The following MYZAP variants were observed in gnomAD, a reference collection of about 807,000 sequenced individuals.
MYZAP encodes myocardial zonula adherens protein.
In MYZAP, 66 loss-of-function variants were observed where a neutral mutation model predicts 69.4. That is an observed-to-expected ratio of 0.95 (90% CI 0.78 to 1.17). The LOEUF (loss-of-function observed/expected upper bound fraction) is 1.17, where lower values mean the gene tolerates loss of function less well. Among genes scored for constraint, MYZAP ranks in the 50% most tolerant of loss-of-function variants. MYZAP has a pLI of 0.00. For missense variants in MYZAP, 611 were observed against 556.2 expected (o/e 1.10, Z -0.99); for synonymous variants, 256 against 205.9 (o/e 1.24, Z -2.09).
intron 3 of MYZAP, among the ~76,000 whole-genome samples, chr15:57,618,813 A>C (rs748458240): frequency 6.6e-6 from 1 of 152,014 alleles, no homozygotes; most frequent in Non-Finnish European, 1.5e-5. Context: ...TTTTCATTCC[A>C]TCCTGTGTTC....
intron 3 of MYZAP, among the ~76,000 whole-genome samples, chr15:57,618,592 A>G (rs903061836): frequency 4.6e-5 from 7 of 152,234 alleles, no homozygotes; most frequent in Admixed American, 1.3e-4. Context: ...GAAGTCAACC[A>G]CAATAGACTT....
chr15:57,616,567 C>A (rs771464340), intron 2 of MYZAP, among the ~76,000 whole-genome samples: 3 of 152,062 alleles, frequency 2.0e-5, no homozygotes, highest in Non-Finnish European at 2.9e-5. Flanking sequence ...ACCCAGGAGG[C>A]GGAGGTTGCA....
chr15:57,609,516 T>C (rs918718426), intron 2 of MYZAP, among the ~76,000 whole-genome samples: 39 of 152,160 alleles, frequency 2.6e-4, no homozygotes, highest in Admixed American at 6.5e-4. Context: ...GGGACACCAA[T>C]AGGGCCCAGT....
Position 57,684,691 on chromosome 15 carries a change from C to T in MYZAP, c.*193C>T, listed in dbSNP as rs1287911576. ...AGTGAGCAGGTAAGAGAGGGATATA[C>T]AAGGTCACATTTCAGACACCCACTC... On this transcript the variant is annotated 3_prime_UTR_variant, in exon 13 of 13. Coordinates refer to ENST00000267853, the MANE Select transcript of MYZAP (RefSeq NM_001018100.5). 8 of 497,788 alleles carry T rather than the reference C, an allele frequency of 1.6e-5. No individual in the cohort carries two copies. The highest frequency in any genetic ancestry group is 2.8e-5 in the Non-Finnish European group (8 of 283,634). The allele number at this position is 497,788 out of a possible 1,614,324, so 30.8% of individuals were successfully genotyped here. A position where few individuals can be genotyped will look rare whatever the true frequency, so the allele number is the denominator to read the frequency against.
chr15:57,672,527 C>T (rs1174398526), intron 11 of MYZAP, among the ~76,000 whole-genome samples: 1 of 152,020 alleles, frequency 6.6e-6, no homozygotes, highest in Non-Finnish European at 1.5e-5. Flanking sequence ...CCTCTCACTG[C>T]AAGTGCAGCC....
intron 11 of MYZAP, among the ~76,000 whole-genome samples, chr15:57,664,704 TAAATCTG>T (rs1300322827): frequency 4.6e-5 from 7 of 152,254 alleles, no homozygotes; most frequent in African/African-American, 1.7e-4. Context: ...TTTTGGTAGA[TAAATCTG>T]GTAGCTCCCC....
intron 10 of MYZAP, chr15:57,647,631 G>A: frequency 2.0e-6 from 2 of 985,412 alleles, no homozygotes; most frequent in Non-Finnish European, 2.4e-6. Flanking sequence ...AACCGTACCT[G>A]GAGGCCAGGC....
chr15:57,605,927 C>T (rs1040788689), intron 2 of MYZAP, among the ~76,000 whole-genome samples: 4 of 151,414 alleles, frequency 2.6e-5, no homozygotes, highest in Non-Finnish European at 4.4e-5. Context: ...TATAACACAT[C>T]GAATATTAAA....
intron 12 of MYZAP, among the ~76,000 whole-genome samples, chr15:57,683,092 T>A (rs2039522331): frequency 6.6e-6 from 1 of 152,102 alleles, no homozygotes; most frequent in African/African-American, 2.4e-5. Context: ...GCTGTGGAAC[T>A]AGCAACAGTG....
intron 1 of MYZAP, among the ~76,000 whole-genome samples, chr15:57,593,214 A>ACACACACACACACACACACACCCCC (rs1172761785): frequency 7.1e-5 from 10 of 141,346 alleles, no homozygotes; most frequent in African/African-American, 2.8e-4. Flanking sequence ...ACACACACAC[A>ACACACACACACACACACACACCCCC]CCCCAGAATC....
At chr15:57,598,293 C>T (rs2034191806) in intron 1 of MYZAP, among the ~76,000 whole-genome samples, 1 of 152,126 alleles carries the variant, frequency 6.6e-6, no homozygotes, top group Non-Finnish European at 1.5e-5. Flanking sequence ...TGTGCTTTTT[C>T]TTGTGGAGGA....
intron 10 of MYZAP, among the ~76,000 whole-genome samples, chr15:57,651,630 G>T (rs2037731914): frequency 6.6e-6 from 1 of 152,188 alleles, no homozygotes; most frequent in African/African-American, 2.4e-5. Context: ...CGTAATATCA[G>T]CCCTATCAGC....
chr15:57,611,650 G>A (rs2140358505), intron 2 of MYZAP, among the ~76,000 whole-genome samples: 1 of 152,140 alleles, frequency 6.6e-6, no homozygotes, highest in Non-Finnish European at 1.5e-5. Context: ...CTCATCTTAA[G>A]CTTTGAAAAT....
At chr15:57,638,858 C>T (rs537608421) in intron 9 of MYZAP, among the ~76,000 whole-genome samples, 5 of 152,270 alleles carry the variant, frequency 3.3e-5, no homozygotes, top group African/African-American at 4.8e-5. Context: ...CCTTCTTCCC[C>T]GTCCTCCCCT....
chr15:57,677,209 T>G (rs1174364523), intron 12 of MYZAP, among the ~76,000 whole-genome samples: 1 of 152,216 alleles, frequency 6.6e-6, no homozygotes, highest in African/African-American at 2.4e-5. Context: ...GGAGGGTTAG[T>G]GAGCGGCTGG....
At chr15:57,639,607 G>C in intron 10 of MYZAP, 62 bp downstream of exon 10, 1 of 1,549,648 alleles carries the variant, frequency 6.5e-7, no homozygotes, top group Non-Finnish European at 8.8e-7. Flanking sequence ...AGCATCCCCA[G>C]AACAAGTCTG....
chr15:57,648,314 G>C, intron 10 of MYZAP: 1 of 985,408 alleles, frequency 1.0e-6, no homozygotes. Flanking sequence ...CTTTGGAAAT[G>C]TCATTGAATC....
At chr15:57,637,316 A>T (rs776864315) in intron 8 of MYZAP, among the ~76,000 whole-genome samples, 1 of 152,250 alleles carries the variant, frequency 6.6e-6, no homozygotes, top group Non-Finnish European at 1.5e-5. Context: ...GGATATTGCC[A>T]GAATCCCAGA....
intron 10 of MYZAP, chr15:57,647,619 T>G: frequency 1.0e-6 from 1 of 985,452 alleles, no homozygotes; most frequent in Non-Finnish European, 1.2e-6. Flanking sequence ...TTTTGGGCTA[T>G]GAACCGTACC....
Sources: gnomAD v4.1 joint callset for allele counts (sites outside exome capture counted in the v4.1 genomes callset) on GRCh38, gnomAD v4.1.1 for gene constraint, MANE v1.5 for transcripts, NCBI Gene and HGNC (gene_info 2026-07-23, HGNC 2026-07-21) for gene names.